Variants in PLEKHA4 observed in about 807,000 individuals in gnomAD.
The protein encoded by PLEKHA4 is pleckstrin homology domain containing A4.
Under a neutral mutation model 94.7 loss-of-function variants are expected in PLEKHA4, and 73 were observed. That is an observed-to-expected ratio of 0.77 (90% CI 0.64 to 0.94). The LOEUF is 0.94. PLEKHA4 is among the 40% of genes least tolerant of loss of function. The pLI is 0.00. For synonymous variants in PLEKHA4, 449 were observed against 437.1 expected, an observed-to-expected ratio of 1.03 and a Z score of -0.34; for missense variants, 1,049 against 1,054.1, an observed-to-expected ratio of 1.00 and a Z score of 0.07.
intron 6 of PLEKHA4, chr19:48,859,923 G>C: frequency 1.7e-6 from 1 of 588,724 alleles, no homozygotes; most frequent in Admixed American, 3.2e-5. Flanking sequence ...GATAGACTCA[G>C]CCAGGTAGTC....
intron 3 of PLEKHA4, among the ~76,000 whole-genome samples, chr19:48,864,191 T>C (rs557383895): frequency 6.7e-6 from 1 of 150,036 alleles, no homozygotes; most frequent in Non-Finnish European, 1.5e-5. Context: ...TTTTTTGACA[T>C]GGAGTCTCAC....
At chr19:48,862,438 T>C (rs971147444) in intron 3 of PLEKHA4, among the ~76,000 whole-genome samples, 1 of 151,926 alleles carries the variant, frequency 6.6e-6, no homozygotes, top group East Asian at 1.9e-4. Flanking sequence ...TGACCTCAAA[T>C]GATCTACCCA....
chr19:48,864,397 ACCTCAGGTGATCCGCCCG>A (rs1290112284), intron 3 of PLEKHA4, among the ~76,000 whole-genome samples: 1 of 151,368 alleles, frequency 6.6e-6, no homozygotes, highest in Non-Finnish European at 1.5e-5. Context: ...TGAACTCCTG[ACCTCAGGTGATCCGCCCG>A]CCTCAGCCTC....
At chr19:48,858,757 C>G (rs1437173789) in intron 8 of PLEKHA4, 103 bp downstream of exon 8, 2 of 1,319,182 alleles carry the variant, frequency 1.5e-6, no homozygotes, top group Non-Finnish European at 2.2e-6. Flanking sequence ...TTATGGACTA[C>G]AATACCCATG....
chr19:48,844,673 C>T lies in PLEKHA4; in HGVS notation c.1743+697G>A, dbSNP rs368363315. On this transcript the variant is annotated intron_variant, in intron 16 of 19. Coordinates refer to ENST00000263265, the MANE Select transcript of PLEKHA4 (RefSeq NM_020904.3). The stretch of plus-strand genomic sequence containing the variant: ...ATGCTTCTGAAAACCAGCCAATCAG[C>T]AACAGACACAGAGCACAGAGCTTCC... 2.6e-5 allele frequency: 26 copies of T among 983,626 alleles called. No individual in the cohort carries two copies. The East Asian group carries it at 1.1e-3, about 43-fold the overall frequency. 60.9% of individuals were successfully genotyped at this position (983,626 alleles called of 1,614,324 possible).
At chr19:48,861,140 G>A (rs1466874516) in intron 5 of PLEKHA4, among the ~76,000 whole-genome samples, 3 of 151,676 alleles carry the variant, frequency 2.0e-5, no homozygotes, top group East Asian at 2.0e-4. Flanking sequence ...CCCAGGAGGC[G>A]GAGGTTGCAG....
In PLEKHA4 at chr19:48,845,578, G is replaced by C; in HGVS notation, c.1605C>G (p.Ser535=). 1.2e-6 allele frequency: 2 copies of C among 1,606,710 alleles called. No individual in the cohort carries two copies. Among genetic ancestry groups the C allele is most frequent in the Non-Finnish European group, 1.7e-6 (2 of 1,176,284 alleles). Residue 535 remains serine, a synonymous_variant, in exon 15 of 20, where the codon TCC becomes TCG. Coordinates refer to ENST00000263265, the MANE Select transcript of PLEKHA4 (RefSeq NM_020904.3). ...PESLELSSPR[S]PETDWGRPPG... ...GAGGCCGCCCCCAGTCAGTCTCGGGGGACCTAGGGGAGCTCAGTTCCAAGG... is the reference window on the plus strand; with the variant it reads ...GAGGCCGCCCCCAGTCAGTCTCGGGCGACCTAGGGGAGCTCAGTTCCAAGG...
At chr19:48,856,145 T>C (rs1313413781) in intron 9 of PLEKHA4, among the ~76,000 whole-genome samples, 1 of 138,908 alleles carries the variant, frequency 7.2e-6, no homozygotes, top group Non-Finnish European at 1.5e-5. Flanking sequence ...CACTCCAGCC[T>C]GGGCAACAAG....
rs899718507 is a variant in PLEKHA4 at position 48,868,000 on chromosome 19, C to T, written c.-7+83G>A. 5.0e-6 allele frequency: 1 copy of T among 200,956 alleles called. No homozygotes were observed. The highest frequency in any genetic ancestry group is 1.0e-5 in the Non-Finnish European group (1 of 97,490). 12.4% of individuals were successfully genotyped at this position (200,956 alleles called of 1,614,324 possible). A position where few individuals can be genotyped will look rare whatever the true frequency, so the allele number is the denominator to read the frequency against. On this transcript the variant is annotated intron_variant, in intron 1 of 19. Transcript: ENST00000263265. This position sits in a 1 kb window ranked among gnomAD's most constrained non-coding sequence, Gnocchi z 4.7. Reference sequence around the variant, plus strand: ...CCTCCCACATGCACCCCCAAACCACCCCTGCCAACTCCCCAAGCCAAGCCC... The same window carrying T: ...CCTCCCACATGCACCCCCAAACCACTCCTGCCAACTCCCCAAGCCAAGCCC...
intron 9 of PLEKHA4, among the ~76,000 whole-genome samples, chr19:48,854,854 C>T (rs73061622): frequency 0.1 from 15,096 of 151,560 alleles, 1,011 homozygotes; most frequent in Non-Finnish European, 0.14. Context: ...TGCCAGCCAC[C>T]GGTGCCAGCT....
chr19:48,853,786 G>C lies in PLEKHA4; in HGVS notation c.1222C>G (p.Gln408Glu). Residue 408 changes from glutamine to glutamate, a missense_variant, in exon 12 of 20, where the codon CAA (glutamine) becomes GAA (glutamate). Physicochemically the swap from Gln to Glu is conservative, Grantham distance 29. Transcript: ENST00000263265. The part of the protein sequence containing the change: ...ALELTRQQLG[Q>E]ATREAGAPGR... ...GGAGCCCCAGCCTCCCTGGTGGCTTGGCCCAGCTGTTGCCGGGTCAACTCC... is the reference window on the plus strand; with the variant it reads ...GGAGCCCCAGCCTCCCTGGTGGCTTCGCCCAGCTGTTGCCGGGTCAACTCC... 1 of 1,613,334 alleles carries C rather than the reference G, an allele frequency of 6.2e-7. No individual in the cohort carries two copies. The highest frequency in any genetic ancestry group is 2.2e-5 in the East Asian group (1 of 44,868).
In PLEKHA4 at chr19:48,858,627, C is replaced by CAAAAAAAAAAAAAAAAA. The variant is rs56663437; in HGVS notation, c.972+216_972+232dup. On this transcript the variant is annotated intron_variant, in intron 8 of 19. Transcript: ENST00000263265. ...TGGCGACAGAGCAAGACCTCAGTCTCAAAAAAAAAAAAAAAAAGCAATGGC... is the reference window on the plus strand; with the variant it reads ...TGGCGACAGAGCAAGACCTCAGTCTCAAAAAAAAAAAAAAAAAAAAAAAAAAAAAAAAAAGCAATGGC... Among the ~76,000 whole-genome samples, 314 of 63,382 alleles carry CAAAAAAAAAAAAAAAAA rather than the reference C, an allele frequency of 5.0e-3. 80 individuals carry two copies. The highest frequency in any genetic ancestry group is 0.032 in the African/African-American group (294 of 9,194). 41.6% of individuals were successfully genotyped at this position (63,382 alleles called of 152,430 possible).
At position 48,859,016 on chromosome 19, in the gene PLEKHA4, C is replaced by G; in HGVS notation, c.816G>C (p.Pro272=). The part of the protein sequence containing the change: ...DTAPPARPHT[P]LSRIDVRPPL... ...GAGGTCGGACATCAATGCGACTCAA[C>G]GGGGTGTGAGGTCGGGCAGGGGGTG... is the stretch of plus-strand genomic sequence containing the variant. The change falls in exon 8 of 20, where the codon CCG becomes CCC. Residue 272 remains proline, a synonymous_variant. Coordinates refer to ENST00000263265, the MANE Select transcript of PLEKHA4 (RefSeq NM_020904.3). 8.0e-7 allele frequency: 1 copy of G among 1,248,538 alleles called. No homozygotes were observed. Among genetic ancestry groups the G allele is most frequent in the South Asian group, 1.4e-5 (1 of 72,890 alleles). The allele number at this position is 1,248,538 out of a possible 1,614,324, so 77.3% of individuals were successfully genotyped here. A position where few individuals can be genotyped will look rare whatever the true frequency, so the allele number is the denominator to read the frequency against.
At chr19:48,847,083 C>A (rs1415164081) in intron 14 of PLEKHA4, among the ~76,000 whole-genome samples, 1 of 152,002 alleles carries the variant, frequency 6.6e-6, no homozygotes, top group African/African-American at 2.4e-5. Flanking sequence ...GGATTGAGTC[C>A]ATATATATGT....
intron 3 of PLEKHA4, among the ~76,000 whole-genome samples, chr19:48,865,248 GCA>G (rs2036788822): frequency 6.6e-6 from 1 of 152,054 alleles, no homozygotes; most frequent in African/African-American, 2.4e-5. Flanking sequence ...GGAGGCTGAG[GCA>G]CGAGAATTGC....
intron 17 of PLEKHA4, among the ~76,000 whole-genome samples, chr19:48,840,691 C>T (rs1240150361): frequency 6.6e-6 from 1 of 152,042 alleles, no homozygotes; most frequent in African/African-American, 2.4e-5. Flanking sequence ...TCCCAAATTG[C>T]TGGGATTACA....
intron 3 of PLEKHA4, among the ~76,000 whole-genome samples, chr19:48,862,202 CTCT>C (rs1190700179): frequency 8.3e-6 from 1 of 121,048 alleles, no homozygotes; most frequent in Admixed American, 7.8e-5. Flanking sequence ...TCTTTTCTCT[CTCT>C]TTTTTTTTTT....
At chr19:48,853,610 C>T in intron 12 of PLEKHA4, 72 bp downstream of exon 12, 1 of 1,385,814 alleles carries the variant, frequency 7.2e-7, no homozygotes, top group Non-Finnish European at 9.4e-7. Context: ...CCCTCTGGGG[C>T]AGGTCCCCTT....
At chr19:48,853,973 C>A in intron 11 of PLEKHA4, 34 bp downstream of exon 11, 2 of 1,612,668 alleles carry the variant, frequency 1.2e-6, no homozygotes, top group South Asian at 1.1e-5. Flanking sequence ...GGCAGAGAGG[C>A]CAGGCGCCCT....
Sources: allele counts gnomAD v4.1 joint callset (sites outside exome capture counted in the v4.1 genomes callset), GRCh38; gene constraint gnomAD v4.1.1; non-coding constraint Gnocchi (gnomAD v3.1); transcripts MANE v1.5; gene names NCBI Gene and HGNC (gene_info 2026-07-23, HGNC 2026-07-21).